Variants in MAPK10 observed in about 807,000 individuals in gnomAD.
MAPK10 encodes the protein JNK3 alpha protein kinase.
A neutral mutation model predicts 59.3 loss-of-function variants in MAPK10; 25 were observed. That is an observed-to-expected ratio of 0.42 (90% CI 0.31 to 0.59). The LOEUF (loss-of-function observed/expected upper bound fraction) is 0.59. Among genes scored for constraint, MAPK10 ranks in the 20% least tolerant of loss-of-function variants. MAPK10 has a pLI of 0.15. For synonymous variants in MAPK10, 190 were observed against 200.5 expected, an observed-to-expected ratio of 0.95 and a Z score of 0.44; for missense variants, 351 against 568.9, an observed-to-expected ratio of 0.62 and a Z score of 3.90.
chr4:86,119,527 AGAGGTTGCAGTGAGCC>A (rs1309791918), intron 4 of MAPK10: 3 of 146,562 alleles, frequency 2.0e-5, no homozygotes, highest in African/African-American at 7.6e-5. Flanking sequence ...TCCGGCAGGC[AGAGGTTGCAGTGAGCC>A]ACTGCATTCC....
chr4:86,323,002 C>T (rs1179631186), intron 2 of MAPK10, among the ~76,000 whole-genome samples: 1 of 152,100 alleles, frequency 6.6e-6, no homozygotes, highest in Non-Finnish European at 1.5e-5. Flanking sequence ...TAGTGAAACC[C>T]CATCTCTATT....
intron 1 of MAPK10, among the ~76,000 whole-genome samples, chr4:86,432,118 T>A (rs1258023611): frequency 1.3e-5 from 2 of 152,138 alleles, no homozygotes; most frequent in African/African-American, 4.8e-5. Context: ...CTAATGGTGG[T>A]TAGCTAGCCA....
chr4:86,125,804 CTTTA>C (rs1445562451), intron 4 of MAPK10: 3 of 152,156 alleles, frequency 2.0e-5, no homozygotes, highest in African/African-American at 7.2e-5. Context: ...ATTATGTTAA[CTTTA>C]TTTATGCCAG....
chr4:86,552,191 G>A (rs1260634381), intron 1 of MAPK10, among the ~76,000 whole-genome samples: 7 of 151,782 alleles, frequency 4.6e-5, no homozygotes, highest in East Asian at 2.0e-4. Flanking sequence ...AGGCCGAGGC[G>A]GGAGGATCTC....
chr4:86,393,997 G>A (rs765819827), intron 1 of MAPK10, among the ~76,000 whole-genome samples: 4 of 152,192 alleles, frequency 2.6e-5, no homozygotes, highest in Admixed American at 2.0e-4. Context: ...GGGGCTGGGC[G>A]TGGTGGCTCA....
chr4:86,458,319 C>T (rs191187228), intron 1 of MAPK10, among the ~76,000 whole-genome samples: 135 of 151,388 alleles, frequency 8.9e-4, no homozygotes, highest in Middle Eastern at 3.4e-3. Context: ...AAAAACTAGC[C>T]GGGCGTGGTG....
At chr4:86,399,128 G>A (rs1743354139) in intron 1 of MAPK10, among the ~76,000 whole-genome samples, 1 of 152,100 alleles carries the variant, frequency 6.6e-6, no homozygotes, top group African/African-American at 2.4e-5. Flanking sequence ...TCCAGTAATG[G>A]GATTGCTGGG....
chr4:86,423,809 T>C (rs1379974915), intron 1 of MAPK10, among the ~76,000 whole-genome samples: 1 of 131,604 alleles, frequency 7.6e-6, no homozygotes, highest in Non-Finnish European at 1.6e-5. Context: ...TTAGGAGGCT[T>C]CCATTGCCAG....
chr4:86,209,227 A>G (rs1250863107), intron 2 of MAPK10, among the ~76,000 whole-genome samples: 1 of 152,176 alleles, frequency 6.6e-6, no homozygotes, highest in Non-Finnish European at 1.5e-5. Context: ...GAATAAACTG[A>G]ATCTAAAAGT....
At chr4:86,395,279 G>A (rs1742764600) in intron 1 of MAPK10, among the ~76,000 whole-genome samples, 1 of 152,044 alleles carries the variant, frequency 6.6e-6, no homozygotes, top group South Asian at 2.1e-4. Context: ...AAATTCAACT[G>A]CCTTATATTT....
chr4:86,101,347 A>T (rs905660667), intron 7 of MAPK10, 130 bp from the exon 8 acceptor site: 2 of 568,828 alleles, frequency 3.5e-6, no homozygotes, highest in Non-Finnish European at 6.2e-6. Flanking sequence ...GCTCTAAATA[A>T]GGCAAATGAT....
chr4:86,575,519 T>C (rs1274466794), intron 1 of MAPK10, among the ~76,000 whole-genome samples: 1 of 152,080 alleles, frequency 6.6e-6, no homozygotes, highest in African/African-American at 2.4e-5. Context: ...AGTTTTTTGG[T>C]AGATATCCTT....
intron 2 of MAPK10, among the ~76,000 whole-genome samples, chr4:86,278,122 T>C (rs750877000): frequency 7.9e-5 from 12 of 152,162 alleles, no homozygotes; most frequent in Non-Finnish European, 1.2e-4. Flanking sequence ...GTTTTACTCA[T>C]ATCAAAAGAC....
chr4:86,338,027 T>G (rs1213021264), intron 2 of MAPK10, among the ~76,000 whole-genome samples: 1 of 152,188 alleles, frequency 6.6e-6, no homozygotes, highest in Non-Finnish European at 1.5e-5. Flanking sequence ...CTGTGGAAAT[T>G]ATAAAAATAA....
chr4:86,521,832 TACC>T (rs1184743526), intron 1 of MAPK10, among the ~76,000 whole-genome samples: 1 of 152,170 alleles, frequency 6.6e-6, no homozygotes, highest in Non-Finnish European at 1.5e-5. Flanking sequence ...ACCATCCCCC[TACC>T]ACCACCAATT....
chr4:86,180,337 T>C (rs138528975), intron 3 of MAPK10, among the ~76,000 whole-genome samples: 1 of 151,708 alleles, frequency 6.6e-6, no homozygotes, highest in Non-Finnish European at 1.5e-5. Flanking sequence ...AAATAATAAA[T>C]GTTGGTGAGA....
At chr4:86,428,432 T>TA (rs896738541) in intron 1 of MAPK10, among the ~76,000 whole-genome samples, 5 of 152,174 alleles carry the variant, frequency 3.3e-5, no homozygotes, top group Non-Finnish European at 7.4e-5. Context: ...CTGCTGGGAT[T>TA]ACATGCATGA....
intron 1 of MAPK10, among the ~76,000 whole-genome samples, chr4:86,468,749 G>A (rs1453575420): frequency 1.3e-5 from 2 of 152,150 alleles, no homozygotes; most frequent in Non-Finnish European, 2.9e-5. Context: ...AGCTCCTCTG[G>A]AGGCTGAGGC....
intron 4 of MAPK10, among the ~76,000 whole-genome samples, chr4:86,118,152 G>A (rs1469240187): frequency 6.6e-6 from 1 of 152,068 alleles, no homozygotes; most frequent in Non-Finnish European, 1.5e-5. Flanking sequence ...CCCATTTTCT[G>A]TAATTCCTCA....
Sources: allele counts gnomAD v4.1 joint callset (sites outside exome capture counted in the v4.1 genomes callset), GRCh38; gene constraint gnomAD v4.1.1; transcripts MANE v1.5; gene names NCBI Gene and HGNC (gene_info 2026-07-23, HGNC 2026-07-21).